NEDD4L: variants seen among roughly 807,000 people sequenced by gnomAD.
The protein encoded by NEDD4L is E3 ubiquitin-protein ligase NEDD4-like.
A neutral mutation model predicts 148.9 loss-of-function variants in NEDD4L; 54 were observed. The ratio of observed to expected loss-of-function variants is 0.36; its 90% CI spans 0.29 to 0.45. The LOEUF (loss-of-function observed/expected upper bound fraction) is 0.45, where lower values mean the gene tolerates loss of function less well. Ranked by LOEUF, NEDD4L falls within the 20% of genes least tolerant of loss-of-function variation. The probability of loss-of-function intolerance (pLI) is 1.00; values close to 1 mark genes in which losing one functional copy is unlikely to be tolerated. For missense variants in NEDD4L, 856 were observed against 1,233.8 expected (o/e 0.69, Z 4.59); for synonymous variants, 433 against 440.7 (o/e 0.98, Z 0.22).
intron 1 of NEDD4L, chr18:58,149,704 G>T: frequency 1.5e-6 from 1 of 675,968 alleles, no homozygotes; most frequent in South Asian, 1.7e-5. Context: ...TAACATAATT[G>T]ACCTGATTAC....
At chr18:58,194,023 G>C (rs759866751) in intron 2 of NEDD4L, 6 of 152,286 alleles carry the variant, frequency 3.9e-5, no homozygotes, top group Admixed American at 2.0e-4. Flanking sequence ...CGCATCACGC[G>C]AGGTGGGTAG....
intron 2 of NEDD4L, among the ~76,000 whole-genome samples, chr18:58,182,380 G>GA (rs1479283418): frequency 3.3e-5 from 5 of 151,940 alleles, no homozygotes; most frequent in African/African-American, 9.7e-5. Context: ...CATTTAGGGA[G>GA]AAAAAAGTGT....
intron 1 of NEDD4L, chr18:58,045,942 A>AG (rs2081559639): frequency 6.6e-6 from 1 of 151,850 alleles, no homozygotes; most frequent in South Asian, 2.1e-4. Context: ...CTATTATCTG[A>AG]GACAGGCTCG....
Position 58,339,658 on chromosome 18 carries a change from A to G in NEDD4L, c.1126-1380A>G, listed in dbSNP as rs557406943. On this transcript the variant is annotated intron_variant, in intron 13 of 30. Coordinates refer to ENST00000400345, the MANE Select transcript of NEDD4L (RefSeq NM_001144967.3). ...GAAAGTTTTCTTACACATAATCTAAAATCAGCTGCTTCATGATCTTACCCA... is the reference window on the plus strand; with the variant it reads ...GAAAGTTTTCTTACACATAATCTAAGATCAGCTGCTTCATGATCTTACCCA... Among the ~76,000 whole-genome samples the G allele has an allele frequency of 2.6e-5, 4 of 152,194 alleles. No individual in the cohort carries two copies. The South Asian group carries it at 8.3e-4, about 32-fold the overall frequency.
chr18:58,135,222 A>G (rs111358028), intron 1 of NEDD4L, among the ~76,000 whole-genome samples: 1 of 152,250 alleles, frequency 6.6e-6, no homozygotes, highest in African/African-American at 2.4e-5. Flanking sequence ...GAATGAATGA[A>G]TGAAATGAAT....
chr18:58,289,011 T>C (rs1033080199), intron 5 of NEDD4L, among the ~76,000 whole-genome samples: 3 of 152,212 alleles, frequency 2.0e-5, no homozygotes, highest in Non-Finnish European at 4.4e-5. Context: ...GACATTTTAT[T>C]CTGAGAATTT....
intron 1 of NEDD4L, among the ~76,000 whole-genome samples, chr18:58,050,661 T>C (rs1434393563): frequency 6.7e-6 from 1 of 150,356 alleles, no homozygotes; most frequent in Non-Finnish European, 1.5e-5. Context: ...CTCGGGAGGC[T>C]GAGGCAGGAG....
At chr18:58,182,604 C>A (rs1392630888) in intron 2 of NEDD4L, among the ~76,000 whole-genome samples, 2 of 150,670 alleles carry the variant, frequency 1.3e-5, no homozygotes, top group African/African-American at 4.9e-5. Flanking sequence ...ACCTCAGCCT[C>A]CCAGGTAGCT....
intron 2 of NEDD4L, among the ~76,000 whole-genome samples, chr18:58,219,540 G>C (rs947991369): frequency 6.6e-6 from 1 of 152,184 alleles, no homozygotes; most frequent in African/African-American, 2.4e-5. Context: ...GATGTCCGGA[G>C]CCTGCGATGA....
At chr18:58,317,988 C>T (rs1028622881) in intron 6 of NEDD4L, among the ~76,000 whole-genome samples, 1 of 152,102 alleles carries the variant, frequency 6.6e-6, no homozygotes, top group African/African-American at 2.4e-5. Context: ...ACCCAAGTTG[C>T]GTGTTCTGAA....
intron 1 of NEDD4L, among the ~76,000 whole-genome samples, chr18:58,137,970 A>G (rs976342471): frequency 2.6e-5 from 4 of 152,158 alleles, no homozygotes; most frequent in African/African-American, 7.2e-5. Flanking sequence ...TATAAGGCCT[A>G]TCCATGTTCC....
At chr18:58,243,888 G>A (rs1001620867) in intron 2 of NEDD4L, among the ~76,000 whole-genome samples, 4 of 152,076 alleles carry the variant, frequency 2.6e-5, no homozygotes, top group African/African-American at 7.2e-5. Context: ...AACAAATCAT[G>A]TTGCTAATTT....
intron 5 of NEDD4L, among the ~76,000 whole-genome samples, chr18:58,258,118 C>T (rs1178121285): frequency 1.3e-5 from 2 of 152,120 alleles, no homozygotes. Flanking sequence ...CTTCTCTTTC[C>T]TTCCATGTAT....
chr18:58,267,299 G>T (rs1449178609), intron 5 of NEDD4L, among the ~76,000 whole-genome samples: 3 of 151,944 alleles, frequency 2.0e-5, no homozygotes, highest in African/African-American at 4.8e-5. Flanking sequence ...ACAGAAAATT[G>T]TTCATATTTC....
intron 2 of NEDD4L, among the ~76,000 whole-genome samples, chr18:58,215,877 T>TAA (rs113664845): frequency 0.015 from 2,342 of 152,290 alleles, 62 homozygotes; most frequent in African/African-American, 0.051. Flanking sequence ...ATGTAATATA[T>TAA]GTTTCTGAAT....
At chr18:58,114,234 T>G (rs917429289) in intron 1 of NEDD4L, among the ~76,000 whole-genome samples, 2 of 152,098 alleles carry the variant, frequency 1.3e-5, no homozygotes, top group African/African-American at 4.8e-5. Flanking sequence ...TTGGGCAAAT[T>G]TGTTATTTAC....
At chr18:58,113,121 A>G (rs1283763678) in intron 1 of NEDD4L, among the ~76,000 whole-genome samples, 1 of 152,274 alleles carries the variant, frequency 6.6e-6, no homozygotes, top group Non-Finnish European at 1.5e-5. Flanking sequence ...TCGGTTATTT[A>G]TAAACCACGC....
intron 1 of NEDD4L, among the ~76,000 whole-genome samples, chr18:58,095,115 G>A (rs973943632): frequency 1.3e-5 from 2 of 152,110 alleles, no homozygotes; most frequent in African/African-American, 4.8e-5. Context: ...TTGTTAAGAG[G>A]TTCTCATTGT....
intron 1 of NEDD4L, among the ~76,000 whole-genome samples, chr18:58,124,261 G>A (rs2030590900): frequency 6.6e-6 from 1 of 152,220 alleles, no homozygotes; most frequent in African/African-American, 2.4e-5. Context: ...GGGTGAGCCT[G>A]TGAGGGACCA....
Sources: gnomAD v4.1 joint callset for allele counts (sites outside exome capture counted in the v4.1 genomes callset) on GRCh38, gnomAD v4.1.1 for gene constraint, MANE v1.5 for transcripts, NCBI Gene and HGNC (gene_info 2026-07-23, HGNC 2026-07-21) for gene names.